Variants in DMAC2L observed in about 807,000 individuals in gnomAD.
DMAC2L encodes distal membrane arm assembly component 2 like.
In DMAC2L, 21 loss-of-function variants were observed where a neutral mutation model predicts 22.5. The ratio of observed to expected loss-of-function variants is 0.93; its 90% CI spans 0.66 to 1.34. The LOEUF (loss-of-function observed/expected upper bound fraction) is 1.34. Among genes scored for constraint, DMAC2L ranks in the 40% most tolerant of loss-of-function variants. DMAC2L has a pLI of 0.00. For synonymous variants in DMAC2L, 86 were observed against 89.5 expected (o/e 0.96, Z 0.22); for missense variants, 239 against 246.5 (o/e 0.97, Z 0.20).
At chr14:50,315,361 C>T (rs1237711805) in intron 2 of DMAC2L, among the ~76,000 whole-genome samples, 1 of 151,646 alleles carries the variant, frequency 6.6e-6, no homozygotes, top group African/African-American at 2.4e-5. Context: ...TGAGTTACTT[C>T]ACTTAGAATA....
upstream of DMAC2L, chr14:50,311,519 A>G (rs1176465974): frequency 4.4e-6 from 2 of 455,452 alleles, no homozygotes; most frequent in South Asian, 1.5e-5. Context: ...GGCTTTCATT[A>G]GCATAAGAGC....
At chr14:50,323,691 G>C (rs1595217332) in intron 4 of DMAC2L, among the ~76,000 whole-genome samples, 1 of 152,224 alleles carries the variant, frequency 6.6e-6, no homozygotes, top group Non-Finnish European at 1.5e-5. Context: ...ACTGGGCCTG[G>C]CCCTATGTGG....
intron 1 of DMAC2L, chr14:50,312,761 T>C (rs1255266336): frequency 2.1e-6 from 1 of 479,100 alleles, no homozygotes; most frequent in Admixed American, 3.9e-5. Flanking sequence ...AGAAGGGCGC[T>C]CCCTGTCCGG....
rs548217636 is a variant in DMAC2L at position 50,312,534 on chromosome 14, G to C, written c.-42+145G>C. ...ACCTTCACCGCCATGCGGACATGGGGCCGTGGGAGAAACTCTGGGCGGGAT... is the reference window on the plus strand; with the variant it reads ...ACCTTCACCGCCATGCGGACATGGGCCCGTGGGAGAAACTCTGGGCGGGAT... On this transcript the variant is annotated intron_variant, in intron 1 of 5. Coordinates refer to ENST00000557421, the MANE Select transcript of DMAC2L (RefSeq NM_001382507.1). 600 of 337,816 alleles carry C rather than the reference G, an allele frequency of 1.8e-3. 5 individuals carry two copies. Among genetic ancestry groups the C allele is most frequent in the African/African-American group, 0.012 (564 of 45,330 alleles). 20.9% of individuals were successfully genotyped at this position (337,816 alleles called of 1,614,324 possible).
At chr14:50,321,314 A>G in intron 2 of DMAC2L, 169 bp from the exon 3 acceptor site, 1 of 1,301,524 alleles carries the variant, frequency 7.7e-7, no homozygotes. Flanking sequence ...TTTGCAGCAA[A>G]CAAATAAAAA....
intron 1 of DMAC2L, chr14:50,313,032 G>C (rs1407317854): frequency 6.2e-7 from 1 of 1,613,964 alleles, no homozygotes; most frequent in South Asian, 1.1e-5. Context: ...TGTGCTGTGC[G>C]GTCTCTGAGC....
intron 2 of DMAC2L, chr14:50,319,265 G>T (rs2032068033): frequency 6.5e-7 from 1 of 1,536,094 alleles, no homozygotes; most frequent in Non-Finnish European, 8.7e-7. Flanking sequence ...GAGGCTTGCA[G>T]TAATGAAGAC....
At chr14:50,312,173 T>G (rs768957165), upstream of DMAC2L, 1 of 1,607,700 alleles carries the variant, frequency 6.2e-7, no homozygotes, top group Non-Finnish European at 8.5e-7. Context: ...CTCCCCTCCC[T>G]CAGCGCTCAG....
intron 1 of DMAC2L, chr14:50,313,143 T>G (rs139674067): frequency 8.4e-7 from 1 of 1,190,310 alleles, no homozygotes; most frequent in African/African-American, 1.5e-5. Context: ...TCTTTAAAAT[T>G]GTCACTGTGC....
Position 50,325,854 on chromosome 14 carries a change from C to T in DMAC2L, c.*131C>T. On this transcript the variant is annotated 3_prime_UTR_variant, in exon 6 of 6. Transcript: ENST00000557421. ...GACATTTTAGAAGTGGAGAGTGCATCATATGTAGAAAATAAATATTCAGAC... is the reference window on the plus strand; with the variant it reads ...GACATTTTAGAAGTGGAGAGTGCATTATATGTAGAAAATAAATATTCAGAC... 12 of 1,360,252 alleles carry T rather than the reference C, an allele frequency of 8.8e-6. No homozygotes were observed. Among genetic ancestry groups the T allele is most frequent in the Non-Finnish European group, 1.0e-5 (11 of 1,054,974 alleles). 84.3% of individuals were successfully genotyped at this position (1,360,252 alleles called of 1,614,324 possible).
chr14:50,321,212 G>A (rs2032238750), intron 2 of DMAC2L: 3 of 277,040 alleles, frequency 1.1e-5, no homozygotes, highest in South Asian at 9.1e-5. Flanking sequence ...ATGGCAGTAC[G>A]ACAGGCAGAC....
intron 5 of DMAC2L, 105 bp downstream of exon 5, chr14:50,324,221 A>G: frequency 8.0e-7 from 1 of 1,257,546 alleles, no homozygotes; most frequent in Non-Finnish European, 1.1e-6. Flanking sequence ...TCTAAAAAAG[A>G]TAATTTTAAA....
At chr14:50,312,055 C>T, upstream of DMAC2L, 1 of 1,592,542 alleles carries the variant, frequency 6.3e-7, no homozygotes, top group Non-Finnish European at 8.5e-7. Context: ...GTCTTGGCCT[C>T]CCAGACGCGA....
rs1398275756 is a variant in DMAC2L, at chr14:50,324,080, T to C, written c.452T>C (p.Ile151Thr). 6.2e-7 allele frequency: 1 copy of C among 1,613,462 alleles called. No individual in the cohort carries two copies. Among genetic ancestry groups the C allele is most frequent in the Non-Finnish European group, 8.5e-7 (1 of 1,179,782 alleles). ...LEMEIISCGN[I>T]TDKGIIALRH... ...ATGGAAATAATATCCTGTGGGAATA[T>C]CACAGACAAAGGCATCATTGCTTTG... Residue 151 changes from isoleucine to threonine, a missense_variant, in exon 5 of 6, where the codon ATC (isoleucine) becomes ACC (threonine). Physicochemically the swap from Ile to Thr is moderately conservative, Grantham distance 89. Coordinates refer to ENST00000557421, the MANE Select transcript of DMAC2L (RefSeq NM_001382507.1).
At position 50,321,548 on chromosome 14, in the gene DMAC2L, T is replaced by TGTGAC; in HGVS notation, c.62_66dup (p.Ser23ValfsTer10). 2 of 1,614,132 alleles carry TGTGAC rather than the reference T, an allele frequency of 1.2e-6. No individual in the cohort carries two copies. The highest frequency in any genetic ancestry group is 1.7e-6 in the Non-Finnish European group (2 of 1,179,978). ...TGGCGTAAAGAAACTCCCATGGTCA[T>TGTGAC]GTGACTCCAGATACTTCTGGGGCTG... On this transcript the variant is annotated frameshift_variant, in exon 3 of 6. Transcript: ENST00000557421. LOFTEE classifies it high-confidence loss of function.
upstream of DMAC2L, chr14:50,311,878 G>A: frequency 8.1e-7 from 1 of 1,229,110 alleles, no homozygotes; most frequent in Non-Finnish European, 1.1e-6. Flanking sequence ...GGGATCCGAG[G>A]TTGGAGTGCC....
intron 2 of DMAC2L, among the ~76,000 whole-genome samples, chr14:50,317,783 A>AG (rs1199028994): frequency 6.7e-6 from 1 of 150,178 alleles, no homozygotes; most frequent in Non-Finnish European, 1.5e-5. Flanking sequence ...AAAAAAAAAA[A>AG]GGGGGGTGGT....
intron 1 of DMAC2L, 126 bp downstream of exon 1, chr14:50,312,515 A>C: frequency 2.8e-6 from 1 of 357,630 alleles, no homozygotes; most frequent in Non-Finnish European, 5.2e-6. Flanking sequence ...TTCGACCTTC[A>C]CCGCCATGCG....
At chr14:50,323,390 CT>C (rs10609243) in intron 4 of DMAC2L, among the ~76,000 whole-genome samples, 107 of 93,328 alleles carry the variant, frequency 1.1e-3, no homozygotes, top group African/African-American at 3.7e-3. Flanking sequence ...CACCCGGCCT[CT>C]TTTTTTTTTT....
Sources: gnomAD v4.1 joint callset for allele counts (sites outside exome capture counted in the v4.1 genomes callset) on GRCh38, gnomAD v4.1.1 for gene constraint, MANE v1.5 for transcripts, NCBI Gene and HGNC (gene_info 2026-07-23, HGNC 2026-07-21) for gene names.